LYPD6: variants seen among roughly 807,000 people sequenced by gnomAD.
The protein encoded by LYPD6 is ly6/PLAUR domain-containing protein 6.
Under a neutral mutation model 22.7 loss-of-function variants are expected in LYPD6, and 15 were observed. The ratio of observed to expected loss-of-function variants is 0.66; its 90% CI spans 0.44 to 1.02. The LOEUF (loss-of-function observed/expected upper bound fraction) is 1.02, where lower values mean the gene tolerates loss of function less well. Among genes scored for constraint, LYPD6 ranks in the 50% least tolerant of loss-of-function variants. The probability of loss-of-function intolerance (pLI) is 0.00; values close to 1 mark genes in which losing one functional copy is unlikely to be tolerated. For synonymous variants in LYPD6, 72 were observed against 77.5 expected (o/e 0.93, Z 0.37); for missense variants, 189 against 208.4 (o/e 0.91, Z 0.57).
At chr2:149,384,933 T>C (rs919251724) in intron 1 of LYPD6, among the ~76,000 whole-genome samples, 21 of 140,800 alleles carry the variant, frequency 1.5e-4, no homozygotes, top group Non-Finnish European at 2.4e-4. Flanking sequence ...CCTGTGTCCA[T>C]GTGTTCTCAT....
chr2:149,485,046 G>A, the LYPD6 span, among the ~76,000 whole-genome samples: 4 of 152,152 alleles, frequency 2.6e-5, no homozygotes, highest in Non-Finnish European at 5.9e-5. Context: ...CATGTGGAGT[G>A]CCTGATATTA....
At chr2:149,437,903 G>C (rs570404212) in intron 2 of LYPD6, 77 bp downstream of exon 2, 17 of 1,521,476 alleles carry the variant, frequency 1.1e-5, no homozygotes, top group Non-Finnish European at 1.5e-5. Flanking sequence ...CCAGGAAAAG[G>C]CATCCTTCAG....
intron 1 of LYPD6, among the ~76,000 whole-genome samples, chr2:149,369,999 G>T (rs1039032982): frequency 6.6e-6 from 1 of 152,014 alleles, no homozygotes; most frequent in African/African-American, 2.4e-5. Flanking sequence ...AGCAGCAGAC[G>T]GGAACGGGCC....
At chr2:149,374,463 T>C (rs1681873339) in intron 1 of LYPD6, among the ~76,000 whole-genome samples, 1 of 152,170 alleles carries the variant, frequency 6.6e-6, no homozygotes, top group African/African-American at 2.4e-5. Flanking sequence ...ATATTGGGAA[T>C]GAAGGCAACA....
intron 1 of LYPD6, among the ~76,000 whole-genome samples, chr2:149,401,502 T>A (rs1259657111): frequency 6.6e-6 from 1 of 152,150 alleles, no homozygotes; most frequent in African/African-American, 2.4e-5. Context: ...GAGCCCCAGG[T>A]GGGGTTAAGT....
chr2:149,437,738 C>T lies in LYPD6; in HGVS notation c.30C>T (p.Leu10=), dbSNP rs145116306. 1,247 of 1,614,164 alleles carry T rather than the reference C, an allele frequency of 7.7e-4. 3 individuals carry two copies. In the Middle Eastern group the frequency reaches 0.012, roughly 16 times the overall value. Residue 10 remains leucine, a synonymous_variant, in exon 2 of 5, where the codon CTC becomes CTT. Coordinates refer to ENST00000334166, the MANE Select transcript of LYPD6 (RefSeq NM_194317.5). MEPGPALAW[L]LLLSLLADCL... ...AACCTGGCCCTGCTCTGGCCTGGCT[C>T]CTGCTCCTGAGCCTGCTGGCGGATT... is the stretch of plus-strand genomic sequence containing the variant.
intron 1 of LYPD6, among the ~76,000 whole-genome samples, chr2:149,371,189 G>A (rs1681800652): frequency 6.6e-6 from 1 of 152,168 alleles, no homozygotes; most frequent in African/African-American, 2.4e-5. Flanking sequence ...TGCATGAACA[G>A]TATAGGGCTG....
Position 149,473,910 on chromosome 2 carries a change from A to G in LYPD6, c.*3060A>G, listed in dbSNP as rs1045693641. On this transcript the variant is annotated 3_prime_UTR_variant, in exon 5 of 5. Coordinates refer to ENST00000334166, the MANE Select transcript of LYPD6 (RefSeq NM_194317.5). Reference sequence around the variant, plus strand: ...GAGCATGTCTTTGTTAAATCAGGAAATATAAAAATTATGTGTGTATGTGTA... The same window carrying G: ...GAGCATGTCTTTGTTAAATCAGGAAGTATAAAAATTATGTGTGTATGTGTA... 2.6e-5 allele frequency: 4 copies of G among 152,232 alleles called. No individual in the cohort carries two copies. The highest frequency in any genetic ancestry group is 9.6e-5 in the African/African-American group (4 of 41,472). The allele number at this position is 152,232 out of a possible 1,614,324, so 9.4% of individuals were successfully genotyped here.
chr2:149,408,396 C>T (rs1682775172), intron 1 of LYPD6, among the ~76,000 whole-genome samples: 1 of 152,180 alleles, frequency 6.6e-6, no homozygotes, highest in South Asian at 2.1e-4. Flanking sequence ...AGGCAATGAT[C>T]TTTTTGCATT....
At chr2:149,338,736 A>T (rs1255294898) in intron 1 of LYPD6, among the ~76,000 whole-genome samples, 1 of 152,170 alleles carries the variant, frequency 6.6e-6, no homozygotes, top group Non-Finnish European at 1.5e-5. Flanking sequence ...TAGCAGCCTG[A>T]TGGACTAAGA....
intron 1 of LYPD6, among the ~76,000 whole-genome samples, chr2:149,404,266 G>A (rs1378246742): frequency 6.6e-6 from 1 of 152,138 alleles, no homozygotes; most frequent in Non-Finnish European, 1.5e-5. Flanking sequence ...CCAATTCTGT[G>A]AAGAAAATCA....
chr2:149,395,248 C>A (rs1020584721), intron 1 of LYPD6, among the ~76,000 whole-genome samples: 15 of 152,250 alleles, frequency 9.9e-5, no homozygotes, highest in African/African-American at 3.6e-4. Flanking sequence ...TCAGTCAGTT[C>A]TGTTGTTTGT....
chr2:149,418,124 A>G (rs1426554464), intron 1 of LYPD6, among the ~76,000 whole-genome samples: 2 of 152,164 alleles, frequency 1.3e-5, no homozygotes, highest in African/African-American at 4.8e-5. Flanking sequence ...CTCGATCTCT[A>G]TGGCCTCATC....
intron 1 of LYPD6, among the ~76,000 whole-genome samples, chr2:149,337,902 G>T (rs1003056006): frequency 2.6e-5 from 4 of 152,094 alleles, no homozygotes; most frequent in African/African-American, 9.7e-5. Flanking sequence ...TCTGTTCTTG[G>T]ATTAGTTCAC....
intron 4 of LYPD6, among the ~76,000 whole-genome samples, chr2:149,470,410 G>T (rs1407545352): frequency 4.9e-4 from 75 of 152,144 alleles, no homozygotes; most frequent in Non-Finnish European, 1.2e-4. Flanking sequence ...GCCCAGGAAG[G>T]CTATACACCT....
chr2:149,478,399 T>TGTGTGTGTGCGCGC (rs1491190671), downstream of LYPD6, among the ~76,000 whole-genome samples: 3 of 150,086 alleles, frequency 2.0e-5, no homozygotes, highest in African/African-American at 7.3e-5. Flanking sequence ...TGTGTGTGTG[T>TGTGTGTGTGCGCGC]GCGCGCACGC....
At chr2:149,418,891 T>G (rs1250553941) in intron 1 of LYPD6, among the ~76,000 whole-genome samples, 4 of 152,252 alleles carry the variant, frequency 2.6e-5, no homozygotes, top group Admixed American at 2.6e-4. Context: ...GGCAGTTCTT[T>G]TGTTCACCTT....
intron 1 of LYPD6, among the ~76,000 whole-genome samples, chr2:149,421,633 C>T (rs1009412950): frequency 5.9e-5 from 9 of 151,914 alleles, no homozygotes; most frequent in Middle Eastern, 3.2e-3. Context: ...GCTCAATAAA[C>T]GTTAATTGTT....
At chr2:149,485,754 C>A in the LYPD6 span, among the ~76,000 whole-genome samples, 1 of 152,080 alleles carries the variant, frequency 6.6e-6, no homozygotes, top group East Asian at 1.9e-4. Context: ...TAATTTCATT[C>A]CCCTAATGGC....
Sources: gnomAD v4.1 joint callset for allele counts (sites outside exome capture counted in the v4.1 genomes callset) on GRCh38, gnomAD v4.1.1 for gene constraint, MANE v1.5 for transcripts, NCBI Gene and HGNC (gene_info 2026-07-23, HGNC 2026-07-21) for gene names.